Variants in PEX5L observed in about 807,000 individuals in gnomAD.
The protein encoded by PEX5L is peroxisomal biogenesis factor 5 like.
Under a neutral mutation model 84.0 loss-of-function variants are expected in PEX5L, and 30 were observed. The observed-to-expected ratio is 0.36, with a 90% CI of 0.27 to 0.48. The LOEUF (loss-of-function observed/expected upper bound fraction) is 0.48. Ranked by LOEUF, PEX5L falls within the 20% of genes least tolerant of loss-of-function variation. The pLI is 0.99. For synonymous variants in PEX5L, 270 were observed against 283.1 expected (o/e 0.95, Z 0.46); for missense variants, 533 against 754.6 (o/e 0.71, Z 3.44).
intron 2 of PEX5L, among the ~76,000 whole-genome samples, chr3:179,945,956 G>C (rs1029035176): frequency 1.3e-5 from 2 of 152,100 alleles, no homozygotes; most frequent in South Asian, 2.1e-4. Flanking sequence ...AAGGGTAAAA[G>C]CTGGTGACTT....
intron 2 of PEX5L, among the ~76,000 whole-genome samples, chr3:179,931,573 C>A (rs749355569): frequency 2.5e-4 from 38 of 152,228 alleles, no homozygotes; most frequent in Non-Finnish European, 5.0e-4. Context: ...AGAAAAATGA[C>A]AAGATGCCTG....
chr3:179,958,185 G>A (rs1336007484), intron 2 of PEX5L, among the ~76,000 whole-genome samples: 1 of 152,006 alleles, frequency 6.6e-6, no homozygotes, highest in Non-Finnish European at 1.5e-5. Flanking sequence ...AAATAGGAAG[G>A]CTTTTTCAGA....
Position 179,798,610 on chromosome 3 carries a change from C to T in PEX5L, c.*3218G>A. 6.6e-6 allele frequency: 1 copy of T among 152,146 alleles called. No individual in the cohort carries two copies. The highest frequency in any genetic ancestry group is 1.5e-5 in the Non-Finnish European group (1 of 68,040). The allele number at this position is 152,146 out of a possible 1,614,324, so 9.4% of individuals were successfully genotyped here. A position where few individuals can be genotyped will look rare whatever the true frequency, so the allele number is the denominator to read the frequency against. On this transcript the variant is annotated 3_prime_UTR_variant, in exon 15 of 15. Transcript: ENST00000467460. The stretch of plus-strand genomic sequence containing the variant: ...TGTAACTGAAGTCACCCGTATGTAG[C>T]CATTCTAGTAAGAATACCCTCTTCT...
intron 2 of PEX5L, among the ~76,000 whole-genome samples, chr3:179,951,834 T>C (rs112629998): frequency 7.2e-5 from 11 of 152,210 alleles, no homozygotes; most frequent in African/African-American, 2.4e-4. Flanking sequence ...GAGTGTTCAA[T>C]GTTGATGATG....
At chr3:179,856,370 A>G (rs966914630) in intron 8 of PEX5L, among the ~76,000 whole-genome samples, 1 of 92,000 alleles carries the variant, frequency 1.1e-5, no homozygotes, top group African/African-American at 4.6e-5. Context: ...GTATTTTGCT[A>G]TAAGGATATG....
At chr3:180,023,828 C>A (rs1041078163) in intron 1 of PEX5L, among the ~76,000 whole-genome samples, 12 of 148,738 alleles carry the variant, frequency 8.1e-5, no homozygotes, top group African/African-American at 3.1e-4. Flanking sequence ...AGAGGAGACC[C>A]CCTTCAGAGC....
chr3:179,808,434 A>C lies in PEX5L; in HGVS notation c.1356T>G (p.Ser452=). Residue 452 remains serine (S), a synonymous_variant, in exon 13 of 15, where the codon TCT becomes TCG. Transcript: ENST00000467460. The stretch of plus-strand genomic sequence containing the variant: ...ATAATTCCTTCACCCCTTCCAGAAC[A>C]GAGCTACAAGAGAAAAAAAAAATTA... ...RRMSKSPVDS[S]VLEGVKELYL... 1.4e-6 allele frequency: 2 copies of C among 1,467,412 alleles called. No homozygotes were observed. Among genetic ancestry groups the C allele is most frequent in the Non-Finnish European group, 1.8e-6 (2 of 1,105,960 alleles). The allele number at this position is 1,467,412 out of a possible 1,614,324, so 90.9% of individuals were successfully genotyped here. A position where few individuals can be genotyped will look rare whatever the true frequency, so the allele number is the denominator to read the frequency against.
At chr3:179,916,328 CT>C (rs1224794829) in intron 2 of PEX5L, among the ~76,000 whole-genome samples, 1 of 152,128 alleles carries the variant, frequency 6.6e-6, no homozygotes, top group Non-Finnish European at 1.5e-5. Context: ...TAGCACGTAA[CT>C]GTACTGAATA....
chr3:180,009,935 G>T (rs9859942), intron 1 of PEX5L, among the ~76,000 whole-genome samples: 2,581 of 151,876 alleles, frequency 0.017, 81 homozygotes, highest in African/African-American at 0.059. Context: ...AGTGTGTAAA[G>T]ACTTTTATTT....
intron 2 of PEX5L, among the ~76,000 whole-genome samples, chr3:179,925,152 AGT>A (rs1771044191): frequency 6.6e-6 from 1 of 152,312 alleles, no homozygotes; most frequent in African/African-American, 2.4e-5. Context: ...TTGGCAGCAC[AGT>A]GTGTTTTCAG....
intron 1 of PEX5L, among the ~76,000 whole-genome samples, chr3:180,033,311 A>G (rs1791621490): frequency 6.6e-6 from 1 of 152,240 alleles, no homozygotes. Context: ...GAATAAGTCA[A>G]AAAGTCTGCT....
chr3:179,848,869 A>G (rs571277889), intron 8 of PEX5L, among the ~76,000 whole-genome samples: 1 of 152,092 alleles, frequency 6.6e-6, no homozygotes, highest in Non-Finnish European at 1.5e-5. Context: ...AGGAGATGAG[A>G]TCTGAGTCAG....
At chr3:179,981,774 T>C (rs910617320) in intron 1 of PEX5L, among the ~76,000 whole-genome samples, 1 of 151,080 alleles carries the variant, frequency 6.6e-6, no homozygotes, top group Non-Finnish European at 1.5e-5. Flanking sequence ...GTAAACAGTA[T>C]CTAAACTGTT....
At chr3:179,877,740 G>A (rs929470441) in intron 5 of PEX5L, among the ~76,000 whole-genome samples, 1 of 152,184 alleles carries the variant, frequency 6.6e-6, no homozygotes, top group African/African-American at 2.4e-5. Context: ...TTACAGATAT[G>A]AGCCACTGCA....
chr3:179,961,748 C>T (rs1011816326), intron 2 of PEX5L, among the ~76,000 whole-genome samples: 1 of 152,186 alleles, frequency 6.6e-6, no homozygotes, highest in African/African-American at 2.4e-5. Flanking sequence ...CCACTCACAA[C>T]TGGTTTTCAA....
chr3:179,825,463 T>C (rs1357544576), intron 8 of PEX5L, among the ~76,000 whole-genome samples: 1 of 152,166 alleles, frequency 6.6e-6, no homozygotes, highest in African/African-American at 2.4e-5. Flanking sequence ...CTGGTTGCAA[T>C]GTTATTAATG....
chr3:179,802,550 AAAAAGAAAAG>A (rs758474995), intron 14 of PEX5L, among the ~76,000 whole-genome samples: 3 of 131,602 alleles, frequency 2.3e-5, no homozygotes, highest in South Asian at 2.4e-4. Context: ...AAAAAAAAAA[AAAAAGAAAAG>A]AAAAGAAAAG....
chr3:179,863,366 C>T (rs1410097865), intron 7 of PEX5L, among the ~76,000 whole-genome samples: 1 of 151,320 alleles, frequency 6.6e-6, no homozygotes, highest in African/African-American at 2.4e-5. Context: ...AAAACTTCCA[C>T]ACAGCAAAGG....
intron 4 of PEX5L, 34 bp downstream of exon 4, chr3:179,887,639 C>T: frequency 7.8e-7 from 1 of 1,275,248 alleles, no homozygotes; most frequent in Non-Finnish European, 1.1e-6. Context: ...AAAATTAACT[C>T]TAGTTGAGGA....
Sources: allele counts gnomAD v4.1 joint callset (sites outside exome capture counted in the v4.1 genomes callset), GRCh38; gene constraint gnomAD v4.1.1; transcripts MANE v1.5; gene names NCBI Gene and HGNC (gene_info 2026-07-23, HGNC 2026-07-21).